The following SPATA13 variants were observed in gnomAD, a reference collection of about 807,000 sequenced individuals.
SPATA13 encodes the protein spermatogenesis associated 13, also known as spermatogenesis-associated protein 13.
Under a neutral mutation model 104.0 loss-of-function variants are expected in SPATA13, and 50 were observed. That is an observed-to-expected ratio of 0.48 (90% confidence interval 0.38 to 0.61). The LOEUF (loss-of-function observed/expected upper bound fraction) is 0.61, where lower values mean the gene tolerates loss of function less well. Ranked by LOEUF, SPATA13 falls within the 20% of genes least tolerant of loss-of-function variation. The pLI is 0.00. For missense variants in SPATA13, 1,524 were observed against 1,690.6 expected (o/e 0.90, Z 1.73); for synonymous variants, 606 against 667.5 (o/e 0.91, Z 1.42).
chr13:24,279,097 G>C (rs890610702), intron 4 of SPATA13, among the ~76,000 whole-genome samples: 1 of 151,864 alleles, frequency 6.6e-6, no homozygotes, highest in Admixed American at 6.6e-5. Flanking sequence ...ATTCTGGATA[G>C]TGAACAGAAT....
Position 24,251,816 on chromosome 13 carries a change from T to C in SPATA13, c.2118T>C (p.Ile706=). 1 of 1,614,050 alleles carries C rather than the reference T, an allele frequency of 6.2e-7. No individual in the cohort carries two copies. Among genetic ancestry groups the C allele is most frequent in the Non-Finnish European group, 8.5e-7 (1 of 1,179,948 alleles). ...TCACATTCTCCCAGAGCACCCCCAT[T>C]GGGTTGGACCGTGTGGGACGCCGGC... ...RPFTFSQSTP[I]GLDRVGRRRQ... The change falls in exon 4 of 13, where the codon ATT becomes ATC. Residue 706 remains isoleucine, a synonymous_variant. Coordinates refer to ENST00000382108, the MANE Select transcript of SPATA13 (RefSeq NM_001166271.3).
At chr13:24,211,474 T>A (rs1566152451) in intron 1 of SPATA13, among the ~76,000 whole-genome samples, 1 of 150,496 alleles carries the variant, frequency 6.6e-6, no homozygotes, top group African/African-American at 2.5e-5. Flanking sequence ...ACTGTTGAAT[T>A]TTGTCAAAGG....
At position 24,051,587 on chromosome 13, in the gene SPATA13, C is replaced by T. The variant is rs1878341525; in HGVS notation, c.-112+33886C>T. On this transcript the variant is annotated intron_variant, in intron 3 of 14. Coordinates refer to the SPATA13 transcript ENST00000424834. The surrounding 1 kb of genome is among the most constrained non-coding windows in gnomAD (Gnocchi z 4.2). ...GGGAGTAAATGCTTCCTCCGTCTCC[C>T]TGCTGGTCTAGTAGAGTGGAGCCAG... is the stretch of plus-strand genomic sequence containing the variant. 1.3e-5 allele frequency among the ~76,000 whole-genome samples: 2 copies of T among 152,112 alleles called. No individual in the cohort carries two copies. The highest frequency in any genetic ancestry group is 6.5e-5 in the Admixed American group (1 of 15,284).
chr13:24,224,506 A>G lies in SPATA13; in HGVS notation c.1577A>G (p.His526Arg). 6.5e-7 allele frequency: 1 copy of G among 1,549,548 alleles called. No homozygotes were observed. Among genetic ancestry groups the G allele is most frequent in the Non-Finnish European group, 8.7e-7 (1 of 1,146,990 alleles). The change falls in exon 2 of 13, where the codon CAT becomes CGT. Residue 526 changes from histidine to arginine, a missense_variant. His to Arg is a conservative substitution (Grantham distance 29). Coordinates refer to ENST00000382108, the MANE Select transcript of SPATA13 (RefSeq NM_001166271.3). ...TTGCAGGATCCCCTGGAAGCCACAC[A>G]TGGTGATGAGGGCAGCAAGGACCTT... The part of the protein sequence containing the change: ...VSLQDPLEAT[H>R]GDEGSKDLLV...
chr13:24,060,702 TC>T (rs1878742027), intron 3 of SPATA13, among the ~76,000 whole-genome samples: 1 of 43,456 alleles, frequency 2.3e-5, no homozygotes, highest in Non-Finnish European at 7.7e-5. Context: ...AGGTCTAATA[TC>T]CAAATCCAGC....
At chr13:24,017,628 C>T in intron 2 of SPATA13, 1 of 982,090 alleles carries the variant, frequency 1.0e-6, no homozygotes, top group Non-Finnish European at 1.2e-6. Context: ...TGTTTTCACA[C>T]ATCTGTGCAC....
chr13:23,984,810 T>C (rs1343494625), intron 2 of SPATA13, among the ~76,000 whole-genome samples: 1 of 152,240 alleles, frequency 6.6e-6, no homozygotes, highest in Non-Finnish European at 1.5e-5. Flanking sequence ...CTGAGAGCTG[T>C]GCATACTTAA....
In SPATA13 at chr13:24,304,876, A is replaced by G. The variant is rs1392801665; in HGVS notation, c.*2103A>G. The stretch of plus-strand genomic sequence containing the variant: ...GTGTGTGTATGTTTCCTTCTTGAAC[A>G]GACATTCCAACTTTAGATGTGTTTA... On this transcript the variant is annotated 3_prime_UTR_variant, in exon 13 of 13. Coordinates refer to ENST00000382108, the MANE Select transcript of SPATA13 (RefSeq NM_001166271.3). 1 of 152,208 alleles carries G rather than the reference A, an allele frequency of 6.6e-6. No homozygotes were observed. Among genetic ancestry groups the G allele is most frequent in the African/African-American group, 2.4e-5 (1 of 41,462 alleles). The allele number at this position is 152,208 out of a possible 1,614,324, so 9.4% of individuals were successfully genotyped here. A position where few individuals can be genotyped will look rare whatever the true frequency, so the allele number is the denominator to read the frequency against.
intron 1 of SPATA13, among the ~76,000 whole-genome samples, chr13:24,193,948 T>C (rs1220557): frequency 0.95 from 144,203 of 152,206 alleles, 68,684 homozygotes; most frequent in Non-Finnish European, 1. Context: ...GGTGGAAGCT[T>C]TGAGGACTAT....
chr13:24,157,465 AT>A (rs369115177), upstream of SPATA13, among the ~76,000 whole-genome samples: 7 of 151,744 alleles, frequency 4.6e-5, no homozygotes, highest in East Asian at 9.7e-4. Context: ...CGCCCGGCTA[AT>A]TTTTTTTGTA....
intron 3 of SPATA13, 92 bp downstream of exon 3, chr13:24,249,934 C>T: frequency 6.7e-7 from 1 of 1,483,128 alleles, no homozygotes; most frequent in Non-Finnish European, 9.0e-7. Flanking sequence ...TCTGCTTTTT[C>T]TCTCCCGTTC....
At chr13:24,090,696 T>C (rs1263448754) in intron 3 of SPATA13, among the ~76,000 whole-genome samples, 1 of 152,196 alleles carries the variant, frequency 6.6e-6, no homozygotes, top group Non-Finnish European at 1.5e-5. Flanking sequence ...TCCTTTCACT[T>C]TCTTCTAATT....
intron 1 of SPATA13, among the ~76,000 whole-genome samples, chr13:24,200,348 C>G (rs1045140187): frequency 4.6e-5 from 7 of 152,200 alleles, no homozygotes; most frequent in Non-Finnish European, 1.0e-4. Flanking sequence ...TCTAACCCAG[C>G]CTTCTAACAA....
chr13:24,021,414 G>A (rs1018837303), intron 3 of SPATA13, among the ~76,000 whole-genome samples: 1 of 152,220 alleles, frequency 6.6e-6, no homozygotes, highest in Non-Finnish European at 1.5e-5. Context: ...GATCACTTGA[G>A]CCCAGGAGTT....
At chr13:24,015,360 G>A (rs1028668401) in intron 2 of SPATA13, among the ~76,000 whole-genome samples, 1 of 152,122 alleles carries the variant, frequency 6.6e-6, no homozygotes, top group Non-Finnish European at 1.5e-5. Context: ...AAAAGCCTTA[G>A]CAATTTACCT....
intron 3 of SPATA13, among the ~76,000 whole-genome samples, chr13:24,111,731 A>G (rs1408315886): frequency 2.0e-5 from 3 of 152,232 alleles, no homozygotes; most frequent in Non-Finnish European, 4.4e-5. Context: ...ATGTAATCAA[A>G]TTGATCATTT....
chr13:24,037,337 G>A (rs1166930856), intron 3 of SPATA13, among the ~76,000 whole-genome samples: 5 of 151,174 alleles, frequency 3.3e-5, no homozygotes, highest in South Asian at 2.1e-4. Context: ...ATGTACCCTA[G>A]AACTTAAAGT....
chr13:24,083,537 G>C (rs9511037), intron 3 of SPATA13, among the ~76,000 whole-genome samples: 44,462 of 152,140 alleles, frequency 0.29, 6,727 homozygotes, highest in Admixed American at 0.39. Flanking sequence ...AGTTGAAGGT[G>C]GTTGGAGGTT....
chr13:24,246,301 C>T (rs996439010), intron 2 of SPATA13, among the ~76,000 whole-genome samples: 6 of 152,108 alleles, frequency 3.9e-5, no homozygotes, highest in East Asian at 1.9e-4. Context: ...CCATTTGATT[C>T]GGTAATTTAA....
Sources: gnomAD v4.1 joint callset for allele counts (sites outside exome capture counted in the v4.1 genomes callset) on GRCh38, gnomAD v4.1.1 for gene constraint, Gnocchi (gnomAD v3.1) non-coding constraint, MANE v1.5 for transcripts, NCBI Gene and HGNC (gene_info 2026-07-23, HGNC 2026-07-21) for gene names.